PKD1L1: variants seen among roughly 807,000 people sequenced by gnomAD.
PKD1L1 encodes polycystin-1-like protein 1.
PKD1L1 carries 236 observed loss-of-function variants against 323.4 expected under a neutral mutation model. That is an observed-to-expected ratio of 0.73 (90% CI 0.66 to 0.81). The LOEUF is 0.81. Ranked by LOEUF, PKD1L1 falls within the 40% of genes least tolerant of loss-of-function variation. The pLI is 0.00. For synonymous variants in PKD1L1, 1,344 were observed against 1,335.0 expected (o/e 1.01, Z -0.15); for missense variants, 3,320 against 3,508.0 (o/e 0.95, Z 1.35).
chr7:47,847,967 T>C (rs1298642681), intron 31 of PKD1L1, among the ~76,000 whole-genome samples: 1 of 147,394 alleles, frequency 6.8e-6, no homozygotes, highest in Non-Finnish European at 1.5e-5. Flanking sequence ...ATATGAACAA[T>C]TCACAGAAAA....
intron 31 of PKD1L1, among the ~76,000 whole-genome samples, chr7:47,852,109 C>T (rs529490917): frequency 2.0e-4 from 30 of 152,222 alleles, no homozygotes; most frequent in South Asian, 2.1e-4. Context: ...GGTGGTATGT[C>T]ATGGGGCCTG....
At chr7:47,802,026 C>T (rs1197596588) in intron 53 of PKD1L1, among the ~76,000 whole-genome samples, 1 of 151,922 alleles carries the variant, frequency 6.6e-6, no homozygotes, top group Non-Finnish European at 1.5e-5. Context: ...ACCGTCTCTA[C>T]TAAAAATACA....
intron 16 of PKD1L1, among the ~76,000 whole-genome samples, chr7:47,889,834 C>A (rs951339552): frequency 2.6e-5 from 4 of 152,178 alleles, no homozygotes; most frequent in African/African-American, 9.7e-5. Flanking sequence ...CAGCTTGCAG[C>A]CCCGATGGGA....
chr7:47,884,262 G>T (rs1480961771), intron 19 of PKD1L1, among the ~76,000 whole-genome samples: 2 of 152,170 alleles, frequency 1.3e-5, no homozygotes, highest in Non-Finnish European at 2.9e-5. Context: ...ACCTGAAGGA[G>T]GAGGCTCGCT....
rs1305005007 is a variant in PKD1L1, at chr7:47,857,811, C to T, written c.4384G>A (p.Val1462Ile). ...CGGAACTCCATCTGCCCAGTGCTAA[C>T]ATGGTTCAAAGAGAGACAACCCTGA... ...LLLGCLSLNHVSTGQMEFRTL... is the reference protein window; with the variant it reads ...LLLGCLSLNHISTGQMEFRTL... The change falls in exon 28 of 57, where the codon GTT (valine) becomes ATT (isoleucine). Residue 1462 changes from valine to isoleucine, a missense_variant. Val to Ile is a conservative substitution (Grantham distance 29). Coordinates refer to ENST00000289672, the MANE Select transcript of PKD1L1 (RefSeq NM_138295.5). 1.9e-6 allele frequency: 3 copies of T among 1,614,032 alleles called. No homozygotes were observed. In the African/African-American group the frequency reaches 4.0e-5, roughly 22 times the overall value.
intron 32 of PKD1L1, among the ~76,000 whole-genome samples, chr7:47,845,777 C>T (rs1785652440): frequency 6.6e-6 from 1 of 152,020 alleles, no homozygotes; most frequent in Non-Finnish European, 1.5e-5. Context: ...GATGGGGTTT[C>T]GCTATGTTGG....
intron 14 of PKD1L1, among the ~76,000 whole-genome samples, chr7:47,896,102 T>A (rs1786929125): frequency 6.6e-6 from 1 of 152,084 alleles, no homozygotes; most frequent in Non-Finnish European, 1.5e-5. Context: ...TTTGGGAGGC[T>A]GAGGCAGGCA....
At position 47,833,205 on chromosome 7, in the gene PKD1L1, C is replaced by T. The variant is rs747124518; in HGVS notation, c.6222G>A (p.Lys2074=). ...ILSGSGRAQR[K]AASDNGTACP... ...AAGCTGTGCCATTGTCACTTGCCGC[C>T]TTCCTTTGGGCCCTGCCACTCCCAG... Residue 2074 remains lysine (K), a synonymous_variant, in exon 41 of 57, where the codon AAG becomes AAA. Coordinates refer to ENST00000289672, the MANE Select transcript of PKD1L1 (RefSeq NM_138295.5). The T allele has an allele frequency of 1.2e-6, 2 of 1,612,936 alleles. No homozygotes were observed. The highest frequency in any genetic ancestry group is 2.2e-5 in the East Asian group (1 of 44,866).
rs28638126 is a variant in PKD1L1 at position 47,931,338 on chromosome 7, C to A, written c.520-17G>T. On this transcript the variant is annotated splice_polypyrimidine_tract_variant and intron_variant, in intron 5 of 56. Transcript: ENST00000289672. ...GCCCTGGAGCTTAAAAGTTTAAGAA[C>A]AGTTCAGGGTTTATTGAATGGCCTC... 2.6e-4 allele frequency: 422 copies of A among 1,613,652 alleles called. 2 individuals carry two copies. The African/African-American group carries it at 5.0e-3, about 19-fold the overall frequency.
intron 56 of PKD1L1, among the ~76,000 whole-genome samples, chr7:47,780,308 CT>C (rs1178590477): frequency 6.6e-6 from 1 of 152,134 alleles, no homozygotes; most frequent in Non-Finnish European, 1.5e-5. Flanking sequence ...CCACGAACTG[CT>C]TCCCTTGTCT....
intron 46 of PKD1L1, among the ~76,000 whole-genome samples, chr7:47,817,362 G>GT (rs1417087443): frequency 6.6e-6 from 1 of 152,178 alleles, no homozygotes; most frequent in Non-Finnish European, 1.5e-5. Flanking sequence ...CAAAGACTAT[G>GT]TTTACAGGTA....
At position 47,854,751 on chromosome 7, in the gene PKD1L1, A is replaced by C. The variant is rs59615914; in HGVS notation, c.4859+131T>G. 1,087 of 1,181,294 alleles carry C rather than the reference A, an allele frequency of 9.2e-4. 16 individuals carry two copies. The East Asian group carries it at 0.025, about 28-fold the overall frequency. 73.2% of individuals were successfully genotyped at this position (1,181,294 alleles called of 1,614,324 possible). On this transcript the variant is annotated intron_variant, in intron 30 of 56. Coordinates refer to ENST00000289672, the MANE Select transcript of PKD1L1 (RefSeq NM_138295.5). ...GCATCCAAACAGCAGAATAGATAACAATTTCTTTAAACAATGAGCCTCATT... is the reference window on the plus strand; with the variant it reads ...GCATCCAAACAGCAGAATAGATAACCATTTCTTTAAACAATGAGCCTCATT...
chr7:47,834,523 T>A, intron 39 of PKD1L1, 138 bp from the exon 40 acceptor site: 1 of 761,490 alleles, frequency 1.3e-6, no homozygotes, highest in Non-Finnish European at 2.2e-6. Context: ...AATGAGTATT[T>A]CTGAGAGGAT....
intron 7 of PKD1L1, among the ~76,000 whole-genome samples, chr7:47,918,430 A>G (rs963733894): frequency 6.6e-6 from 1 of 151,886 alleles, no homozygotes; most frequent in Non-Finnish European, 1.5e-5. Context: ...TCAATACTCC[A>G]CTGACAGCAC....
At chr7:47,935,011 C>T (rs1324465263) in intron 4 of PKD1L1, among the ~76,000 whole-genome samples, 1 of 152,182 alleles carries the variant, frequency 6.6e-6, no homozygotes, top group Non-Finnish European at 1.5e-5. Flanking sequence ...GGAGACCCCA[C>T]TCTGCTCTTG....
In PKD1L1 at chr7:47,843,068, T is replaced by C; in HGVS notation, c.5339A>G (p.Lys1780Arg). The C allele has an allele frequency of 3.1e-6, 5 of 1,613,960 alleles. No homozygotes were observed. The highest frequency in any genetic ancestry group is 4.2e-6 in the Non-Finnish European group (5 of 1,179,882). Residue 1780 changes from lysine to arginine, a missense_variant, in exon 34 of 57, where the codon AAG becomes AGG. By Grantham distance (26) the Lys-to-Arg change is conservative. Transcript: ENST00000289672. ...KSRQVDHHEKKKAGYIFLQEA... is the reference protein window; with the variant it reads ...KSRQVDHHEKRKAGYIFLQEA... ...TTGCAGAAAGATGTAACCAGCTTTC[T>C]TTTTTTCATGATGATCTACTTGTCT...
At chr7:47,895,818 A>AAGGCTTG in intron 14 of PKD1L1, among the ~76,000 whole-genome samples, 1 of 152,210 alleles carries the variant, frequency 6.6e-6, no homozygotes, top group Non-Finnish European at 1.5e-5. Context: ...AGTCATAGTT[A>AAGGCTTG]AGGCTTGAGG....
chr7:47,898,436 T>A (rs778871674), intron 13 of PKD1L1, among the ~76,000 whole-genome samples: 7 of 152,046 alleles, frequency 4.6e-5, no homozygotes, highest in Admixed American at 6.6e-5. Flanking sequence ...TATATACTCA[T>A]GAGAAAAAAC....
At chr7:47,853,417 T>A (rs566401932) in intron 30 of PKD1L1, among the ~76,000 whole-genome samples, 190 bp from the exon 31 acceptor site, 189 of 152,224 alleles carry the variant, frequency 1.2e-3, no homozygotes, top group Middle Eastern at 6.8e-3. Flanking sequence ...TAAAAACTCC[T>A]ACATAACACT....
Sources: allele counts gnomAD v4.1 joint callset (sites outside exome capture counted in the v4.1 genomes callset), GRCh38; gene constraint gnomAD v4.1.1; transcripts MANE v1.5; gene names NCBI Gene and HGNC (gene_info 2026-07-23, HGNC 2026-07-21).